The following C8orf74 variants were observed in gnomAD, a reference collection of about 807,000 sequenced individuals.
The protein encoded by C8orf74 is chromosome 8 open reading frame 74.
In C8orf74, 29 loss-of-function variants were observed where a neutral mutation model predicts 22.2. That is an observed-to-expected ratio of 1.31 (90% CI 0.97 to 1.78). The LOEUF (loss-of-function observed/expected upper bound fraction) is 1.78. Ranked by LOEUF, C8orf74 falls within the 40% of genes most tolerant of loss-of-function variation. The probability of loss-of-function intolerance (pLI) is 0.00; values close to 1 mark genes in which losing one functional copy is unlikely to be tolerated. For missense variants in C8orf74, 515 were observed against 369.9 expected (o/e 1.39, Z -3.22); for synonymous variants, 255 against 163.1 (o/e 1.56, Z -4.30).
At chr8:10,687,123 G>A (rs1799277948) in intron 2 of C8orf74, 1 of 456,284 alleles carries the variant, frequency 2.2e-6, no homozygotes, top group East Asian at 6.9e-5. Flanking sequence ...GTGTAGGAAT[G>A]CCAGCAGAGG....
intron 2 of C8orf74, among the ~76,000 whole-genome samples, chr8:10,690,353 C>T (rs888254286): frequency 1.4e-4 from 21 of 152,116 alleles, no homozygotes; most frequent in African/African-American, 4.6e-4. Flanking sequence ...GTACAGTCCC[C>T]GGCAGCCAGG....
intron 2 of C8orf74, among the ~76,000 whole-genome samples, chr8:10,677,117 G>A (rs1199275538): frequency 1.3e-5 from 2 of 152,116 alleles, no homozygotes; most frequent in African/African-American, 4.8e-5. Flanking sequence ...GCCCCTGGAT[G>A]CCAACTAAGC....
chr8:10,691,342 T>C (rs902587029), intron 2 of C8orf74: 32 of 183,162 alleles, frequency 1.7e-4, no homozygotes, highest in African/African-American at 7.2e-4. Flanking sequence ...CCTGGCAGAC[T>C]TCTCTTTTCA....
intron 2 of C8orf74, among the ~76,000 whole-genome samples, chr8:10,694,877 T>C (rs948955827): frequency 2.6e-5 from 4 of 151,836 alleles, no homozygotes; most frequent in African/African-American, 9.7e-5. Flanking sequence ...AGTGGATGAA[T>C]GAATGGATGG....
At chr8:10,681,033 A>C (rs1288193973) in intron 2 of C8orf74, among the ~76,000 whole-genome samples, 1 of 151,256 alleles carries the variant, frequency 6.6e-6, no homozygotes, top group East Asian at 1.9e-4. Context: ...GGATGGTTGC[A>C]TTGTGTTTGC....
intron 2 of C8orf74, among the ~76,000 whole-genome samples, chr8:10,684,679 TC>T: frequency 6.6e-6 from 1 of 152,372 alleles, no homozygotes; most frequent in East Asian, 1.9e-4. Context: ...AATTTATTTT[TC>T]TCTCTTCACA....
intron 2 of C8orf74, among the ~76,000 whole-genome samples, chr8:10,679,496 C>T (rs1365287137): frequency 6.6e-6 from 1 of 152,206 alleles, no homozygotes; most frequent in Non-Finnish European, 1.5e-5. Context: ...TGGCACTGTG[C>T]AGGTTTGGAC....
intron 2 of C8orf74, among the ~76,000 whole-genome samples, chr8:10,694,717 G>A (rs1345216643): frequency 6.6e-6 from 1 of 152,154 alleles, no homozygotes; most frequent in African/African-American, 2.4e-5. Flanking sequence ...TTTTCTTTTG[G>A]CATAGTGAAT....
At chr8:10,698,155 C>T (rs1032274782) in intron 3 of C8orf74, 150 bp downstream of exon 3, 13 of 738,822 alleles carry the variant, frequency 1.8e-5, no homozygotes, top group South Asian at 5.4e-5. Flanking sequence ...ACGAGCTTCG[C>T]GGTAGACTAA....
chr8:10,678,342 C>A (rs1330884894), intron 2 of C8orf74, among the ~76,000 whole-genome samples: 1 of 152,198 alleles, frequency 6.6e-6, no homozygotes, highest in African/African-American at 2.4e-5. Flanking sequence ...GCATGGTGCT[C>A]GGTGCCTAGG....
intron 2 of C8orf74, among the ~76,000 whole-genome samples, chr8:10,697,345 G>T (rs1380303678): frequency 1.3e-5 from 2 of 152,140 alleles, no homozygotes; most frequent in East Asian, 3.9e-4. Flanking sequence ...TGAGGCAGGG[G>T]GATTTCTTGA....
intron 2 of C8orf74, among the ~76,000 whole-genome samples, chr8:10,682,864 G>T (rs1799182628): frequency 6.6e-6 from 1 of 152,240 alleles, no homozygotes; most frequent in Non-Finnish European, 1.5e-5. Flanking sequence ...TGTGTCATGT[G>T]CTTGGCCTTT....
chr8:10,698,129 G>A (rs1255009184), intron 3 of C8orf74, 124 bp downstream of exon 3: 18 of 975,868 alleles, frequency 1.8e-5, no homozygotes, highest in Non-Finnish European at 2.4e-5. Context: ...ATGCAGGGAG[G>A]AATCAAGAGT....
chr8:10,679,489 C>T (rs1259402592), intron 2 of C8orf74, among the ~76,000 whole-genome samples: 1 of 152,214 alleles, frequency 6.6e-6, no homozygotes, highest in Non-Finnish European at 1.5e-5. Context: ...ATCCAAGTGG[C>T]ACTGTGCAGG....
intron 2 of C8orf74, 53 bp from the exon 3 acceptor site, chr8:10,697,546 G>A: frequency 6.5e-7 from 1 of 1,542,538 alleles, no homozygotes; most frequent in Non-Finnish European, 8.9e-7. Flanking sequence ...TCCACTGCCT[G>A]GCAGGGCAGC....
chr8:10,679,369 C>T (rs1309032420), intron 2 of C8orf74, among the ~76,000 whole-genome samples: 1 of 152,174 alleles, frequency 6.6e-6, no homozygotes, highest in Non-Finnish European at 1.5e-5. Context: ...CCTAGGAAGT[C>T]CTGCAGTATC....
chr8:10,689,498 A>G (rs979244342), intron 2 of C8orf74: 1 of 152,168 alleles, frequency 6.6e-6, no homozygotes, highest in Non-Finnish European at 1.5e-5. Context: ...TGGATCCAAC[A>G]TCTCTTAAAG....
At chr8:10,687,333 TA>T (rs1199278071) in intron 2 of C8orf74, 1 of 317,376 alleles carries the variant, frequency 3.2e-6, no homozygotes, top group African/African-American at 2.2e-5. Flanking sequence ...TGGTTTTTAT[TA>T]AAAGTCTTGC....
intron 2 of C8orf74, chr8:10,679,890 C>A (rs1208452198): frequency 6.5e-6 from 1 of 152,716 alleles, no homozygotes. Flanking sequence ...TCTCTCTCCA[C>A]TCAGACCACA....
Sources: gnomAD v4.1 joint callset for allele counts (sites outside exome capture counted in the v4.1 genomes callset) on GRCh38, gnomAD v4.1.1 for gene constraint, MANE v1.5 for transcripts, NCBI Gene and HGNC (gene_info 2026-07-23, HGNC 2026-07-21) for gene names.